The following PKHD1 variants were observed in gnomAD, a reference collection of about 807,000 sequenced individuals.
PKHD1 encodes the protein PKHD1 ciliary IPT domain containing fibrocystin/polyductin.
PKHD1 carries 291 observed loss-of-function variants against 412.0 expected under a neutral mutation model. The ratio of observed to expected loss-of-function variants is 0.71; its 90% CI spans 0.64 to 0.78. The LOEUF is 0.78. Ranked by LOEUF, PKHD1 falls within the 30% of genes least tolerant of loss-of-function variation. PKHD1 has a pLI of 0.00. For missense variants in PKHD1, 4,825 were observed against 4,950.7 expected (o/e 0.97, Z 0.76); for synonymous variants, 1,777 against 1,821.5 (o/e 0.98, Z 0.62).
At chr6:51,842,036 C>T (rs1770298429) in intron 50 of PKHD1, among the ~76,000 whole-genome samples, 1 of 152,240 alleles carries the variant, frequency 6.6e-6, no homozygotes, top group African/African-American at 2.4e-5. Context: ...ACTTGGCACA[C>T]ACAATAAAGT....
In PKHD1 at chr6:52,024,442, A is replaced by C. The variant is rs575921015; in HGVS notation, c.5236+132T>G. ...AGACAAGCCTCAGGAAGGAATTGGG[A>C]TTGTAAGAAGCCAGTGGGCTTCTCT... On this transcript the variant is annotated intron_variant, in intron 32 of 66. Transcript: ENST00000371117. 15 of 848,822 alleles carry C rather than the reference A, an allele frequency of 1.8e-5. No homozygotes were observed. The East Asian group carries it at 3.4e-4, about 19-fold the overall frequency. 52.6% of individuals were successfully genotyped at this position (848,822 alleles called of 1,614,324 possible). A position where few individuals can be genotyped will look rare whatever the true frequency, so the allele number is the denominator to read the frequency against.
rs1001712205 is a variant in PKHD1, at chr6:51,811,358, A to C, written c.8302+19503T>G. Among the ~76,000 whole-genome samples, 91 of 152,212 alleles carry C rather than the reference A, an allele frequency of 6.0e-4. 3 individuals carry two copies. On this transcript the variant is annotated intron_variant, in intron 52 of 66. Coordinates refer to ENST00000371117, the MANE Select transcript of PKHD1 (RefSeq NM_138694.4). ...AAAATTGGGGTGAAAATTTATGTTC[A>C]TCAGTAAGATGGTAATTCAATAAAT...
chr6:51,643,103 G>A (rs1769590323), intron 63 of PKHD1, among the ~76,000 whole-genome samples: 1 of 152,080 alleles, frequency 6.6e-6, no homozygotes, highest in South Asian at 2.1e-4. Flanking sequence ...AAGATCAGAA[G>A]GTGAGTGACT....
chr6:52,006,360 T>TTGC (rs1799054671), intron 35 of PKHD1, among the ~76,000 whole-genome samples: 1 of 126,156 alleles, frequency 7.9e-6, no homozygotes, highest in Non-Finnish European at 1.8e-5. Context: ...TTTTTTGTTG[T>TTGC]TGTTGTTGTT....
At chr6:51,824,049 C>T (rs1766917919) in intron 52 of PKHD1, among the ~76,000 whole-genome samples, 2 of 152,210 alleles carry the variant, frequency 1.3e-5, no homozygotes, top group East Asian at 1.9e-4. Context: ...TGGTATAAAA[C>T]ATCATATAAG....
In PKHD1 at chr6:51,911,954, T is replaced by G. The variant is rs1197586759; in HGVS notation, c.6335A>C (p.Tyr2112Ser). 3 of 1,609,248 alleles carry G rather than the reference T, an allele frequency of 1.9e-6. No individual in the cohort carries two copies. The highest frequency in any genetic ancestry group is 2.5e-6 in the Non-Finnish European group (3 of 1,177,688). ...CCAATTCTCTGTAAAGTTGTGAGAATATCTGGAGAAAAAAAGAGGATGATA... is the reference window on the plus strand; with the variant it reads ...CCAATTCTCTGTAAAGTTGTGAGAAGATCTGGAGAAAAAAAGAGGATGATA... ...TDLYLKSPLR[Y>S]SHNFTENWVA... Residue 2112 changes from tyrosine to serine, a missense_variant and splice_region_variant, in exon 39 of 67, where the codon TAT becomes TCT. Physicochemically the swap from Tyr to Ser is moderately radical, Grantham distance 144. Coordinates refer to ENST00000371117, the MANE Select transcript of PKHD1 (RefSeq NM_138694.4).
At chr6:52,085,105 G>A in intron 1 of PKHD1, 88 bp from the exon 2 acceptor site, 1 of 613,550 alleles carries the variant, frequency 1.6e-6, no homozygotes, top group Non-Finnish European at 3.0e-6. Flanking sequence ...AAATTAAGGA[G>A]ATGAGATAAA....
chr6:51,931,920 AAAG>A (rs1316008733), intron 37 of PKHD1, among the ~76,000 whole-genome samples: 2 of 150,690 alleles, frequency 1.3e-5, no homozygotes, highest in Admixed American at 6.6e-5. Flanking sequence ...GAAGGAGAAT[AAAG>A]AAGAAAGAGG....
At chr6:51,869,431 G>T (rs768997637) in intron 47 of PKHD1, among the ~76,000 whole-genome samples, 22 of 152,024 alleles carry the variant, frequency 1.4e-4, no homozygotes, top group Non-Finnish European at 2.5e-4. Flanking sequence ...ACAATAATAG[G>T]CTTGGACATT....
At chr6:51,651,316 T>G (rs1770926292) in intron 61 of PKHD1, among the ~76,000 whole-genome samples, 1 of 152,180 alleles carries the variant, frequency 6.6e-6, no homozygotes, top group African/African-American at 2.4e-5. Flanking sequence ...TAGGTGGTAC[T>G]GTTTTTTACG....
intron 35 of PKHD1, among the ~76,000 whole-genome samples, chr6:52,008,902 C>A (rs1378014520): frequency 1.3e-5 from 2 of 152,136 alleles, no homozygotes. Flanking sequence ...GCCTGCCTCT[C>A]CCTCTTTCAC....
chr6:51,739,224 T>C (rs566861433), intron 60 of PKHD1, among the ~76,000 whole-genome samples: 1 of 150,564 alleles, frequency 6.6e-6, no homozygotes, highest in East Asian at 1.9e-4. Context: ...ACATGTATTA[T>C]ATATATAATA....
chr6:51,925,021 A>C (rs1785303510), intron 37 of PKHD1, among the ~76,000 whole-genome samples: 1 of 152,196 alleles, frequency 6.6e-6, no homozygotes, highest in African/African-American at 2.4e-5. Flanking sequence ...AACACTGGGG[A>C]GTTTTTTAAG....
At chr6:52,053,933 G>T in intron 20 of PKHD1, 105 bp downstream of exon 20, 2 of 1,177,214 alleles carry the variant, frequency 1.7e-6, no homozygotes, top group Non-Finnish European at 2.5e-6. Flanking sequence ...AGTGTATGAG[G>T]CCCAAATATA....
In PKHD1 at chr6:51,638,924, C is replaced by T. The variant is rs962553557; in HGVS notation, c.11431G>A (p.Val3811Ile). 1 of 1,613,512 alleles carries T rather than the reference C, an allele frequency of 6.2e-7. No individual in the cohort carries two copies. ...AAGACTGCCAAGTTGTAGAAGCTAA[C>T]ATAACCATCTTGAGTTTCTGCCTGG... ...CTQAETQDGYVSFYNLAVLIS... is the reference protein window; with the variant it reads ...CTQAETQDGYISFYNLAVLIS... Residue 3811 changes from valine (V) to isoleucine (I), a missense_variant, in exon 64 of 67, where the codon GTT (valine) becomes ATT (isoleucine). By Grantham distance (29) the Val-to-Ile change is conservative. Coordinates refer to ENST00000371117, the MANE Select transcript of PKHD1 (RefSeq NM_138694.4).
intron 36 of PKHD1, among the ~76,000 whole-genome samples, chr6:51,945,215 G>A (rs1789271259): frequency 6.6e-6 from 1 of 152,152 alleles, no homozygotes; most frequent in Admixed American, 6.5e-5. Context: ...GTAGAACATG[G>A]ATTTGTATGA....
Position 52,035,579 on chromosome 6 carries a change from GA to G in PKHD1, c.3228+11del. ...ACCCAGAGAGAAAGAGATATGAAAG[GA>G]ATCCACTTACCCTGGGTGGAACTTT... On this transcript the variant is annotated intron_variant, in intron 28 of 66. Coordinates refer to ENST00000371117, the MANE Select transcript of PKHD1 (RefSeq NM_138694.4). The G allele has an allele frequency of 6.2e-7, 1 of 1,612,396 alleles. No individual in the cohort carries two copies.
chr6:51,923,454 G>A (rs1390125695), intron 37 of PKHD1, among the ~76,000 whole-genome samples: 2 of 151,014 alleles, frequency 1.3e-5, no homozygotes, highest in African/African-American at 4.9e-5. Context: ...GAATGGACCA[G>A]ATTTGGTCCA....
intron 51 of PKHD1, among the ~76,000 whole-genome samples, chr6:51,834,344 G>A (rs963659866): frequency 2.0e-5 from 3 of 152,098 alleles, no homozygotes; most frequent in Non-Finnish European, 4.4e-5. Context: ...AAAAACTTAG[G>A]TCTGTGGGAA....
Sources: allele counts gnomAD v4.1 joint callset (sites outside exome capture counted in the v4.1 genomes callset), GRCh38; gene constraint gnomAD v4.1.1; transcripts MANE v1.5; gene names NCBI Gene and HGNC (gene_info 2026-07-23, HGNC 2026-07-21).